The following TUSC3 variants were observed in gnomAD, a reference collection of about 807,000 sequenced individuals.
TUSC3 encodes the protein tumor suppressor candidate 3.
TUSC3 carries 45 observed loss-of-function variants against 44.8 expected under a neutral mutation model. The ratio of observed to expected loss-of-function variants is 1.00; its 90% CI spans 0.79 to 1.29. TUSC3 has a LOEUF of 1.29. Among genes scored for constraint, TUSC3 ranks in the 50% most tolerant of loss-of-function variants. The pLI is 0.00. For synonymous variants in TUSC3, 212 were observed against 152.9 expected, an observed-to-expected ratio of 1.39 and a Z score of -2.85; for missense variants, 519 against 437.9, an observed-to-expected ratio of 1.19 and a Z score of -1.65.
the TUSC3 span, among the ~76,000 whole-genome samples, chr8:15,850,516 T>A: frequency 1.3e-5 from 2 of 152,192 alleles, no homozygotes; most frequent in African/African-American, 4.8e-5. Flanking sequence ...TTTGATTCGC[T>A]TCTCATATAT....
rs114593143 is a variant in TUSC3 at position 15,630,172 on chromosome 8, A to T, written c.308+6923A>T. On this transcript the variant is annotated intron_variant, in intron 2 of 10. Transcript: ENST00000503731. ...GAAGGATGTTACTATGGATCAGTAGATTTAAGAAGAAAATTCAGTTGAAGG... is the reference window on the plus strand; with the variant it reads ...GAAGGATGTTACTATGGATCAGTAGTTTTAAGAAGAAAATTCAGTTGAAGG... Among the ~76,000 whole-genome samples the T allele has an allele frequency of 5.9e-3, 898 of 152,282 alleles. 9 individuals carry two copies. The highest frequency in any genetic ancestry group is 0.021 in the African/African-American group (855 of 41,568).
chr8:15,470,222 A>G lies in TUSC3; in HGVS notation n.92-13164A>G, dbSNP rs572398027. Among the ~76,000 whole-genome samples, 62 of 150,726 alleles carry G rather than the reference A, an allele frequency of 4.1e-4. 1 individual carries two copies. In the South Asian group the frequency reaches 0.012, roughly 28 times the overall value. ...CCCAGGAGGCAGAGGTTGCACCACT[A>G]CACTCCAGCCTGGGCAACAGAGAAA... On this transcript the variant is annotated intron_variant and non_coding_transcript_variant, in intron 1 of 5. Transcript: ENST00000503191.
intron 1 of TUSC3, among the ~76,000 whole-genome samples, chr8:15,613,356 C>T (rs182818999): frequency 2.0e-5 from 3 of 151,984 alleles, no homozygotes; most frequent in Admixed American, 6.6e-5. Context: ...ATTCTTTTAG[C>T]AATGTGATCT....
rs781048607 is a variant in TUSC3 at position 15,623,137 on chromosome 8, T to C, written c.196T>C (p.Phe66Leu). Reference sequence around the variant, plus strand: ...GGAATGGAGTTCCAGACGCTCAATCTTCCGAATGAATGGTGATAAATTCCG... The same window carrying C: ...GGAATGGAGTTCCAGACGCTCAATCCTCCGAATGAATGGTGATAAATTCCG... The part of the protein sequence containing the change: ...LMEWSSRRSI[F>L]RMNGDKFRKF... The change falls in exon 2 of 11, where the codon TTC becomes CTC. Residue 66 changes from phenylalanine (F) to leucine (L), a missense_variant. By Grantham distance (22) the Phe-to-Leu change is conservative. Transcript: ENST00000503731. The C allele has an allele frequency of 2.5e-6, 4 of 1,613,802 alleles. No homozygotes were observed.
chr8:15,576,633 A>AC (rs1389280546), intron 1 of TUSC3, among the ~76,000 whole-genome samples: 1 of 144,092 alleles, frequency 6.9e-6, no homozygotes, highest in African/African-American at 2.7e-5. Flanking sequence ...CCTACAAAGG[A>AC]CACGAACTCA....
At chr8:15,474,038 G>T (rs559975829) in intron 1 of TUSC3, among the ~76,000 whole-genome samples, 1 of 152,004 alleles carries the variant, frequency 6.6e-6, no homozygotes, top group African/African-American at 2.4e-5. Flanking sequence ...TAGACCTCCC[G>T]CCAGGAATGC....
chr8:15,643,295 CTAA>C (rs1469215256), intron 2 of TUSC3, among the ~76,000 whole-genome samples: 2 of 152,088 alleles, frequency 1.3e-5, no homozygotes, highest in African/African-American at 2.4e-5. Flanking sequence ...TGAGAATGGA[CTAA>C]TACAGTAAGA....
At chr8:15,820,579 A>G in the TUSC3 span, among the ~76,000 whole-genome samples, 7 of 152,150 alleles carry the variant, frequency 4.6e-5, no homozygotes, top group East Asian at 1.9e-4. Flanking sequence ...CAGCCTCCCA[A>G]CGTGCTGGGA....
chr8:15,581,888 G>T (rs1318051165), intron 1 of TUSC3, among the ~76,000 whole-genome samples: 1 of 139,230 alleles, frequency 7.2e-6, no homozygotes, highest in African/African-American at 3.0e-5. Flanking sequence ...CTGGGCAATG[G>T]CGGGCGCCCC....
intron 2 of TUSC3, among the ~76,000 whole-genome samples, chr8:15,524,817 T>C (rs927044102): frequency 8.5e-5 from 8 of 94,184 alleles, no homozygotes; most frequent in East Asian, 3.5e-4. Context: ...AGATTAAATA[T>C]AGAAAGAGAT....
the TUSC3 span, among the ~76,000 whole-genome samples, chr8:15,790,554 A>G: frequency 6.6e-6 from 1 of 152,046 alleles, no homozygotes; most frequent in African/African-American, 2.4e-5. Flanking sequence ...GAGGGTAACT[A>G]GAGGTTGCCG....
chr8:15,682,193 T>A (rs1808454088), intron 6 of TUSC3, among the ~76,000 whole-genome samples: 1 of 152,170 alleles, frequency 6.6e-6, no homozygotes, highest in South Asian at 2.1e-4. Context: ...GCATTGAATT[T>A]AAGTTCAGAA....
intron 2 of TUSC3, among the ~76,000 whole-genome samples, chr8:15,519,997 T>C (rs1487186993): frequency 6.6e-6 from 1 of 152,220 alleles, no homozygotes; most frequent in Non-Finnish European, 1.5e-5. Flanking sequence ...CTGTTGGCTC[T>C]TAAAAACTGC....
At chr8:15,534,440 G>A (rs1264438793) in intron 2 of TUSC3, among the ~76,000 whole-genome samples, 3 of 151,926 alleles carry the variant, frequency 2.0e-5, no homozygotes, top group Admixed American at 6.6e-5. Flanking sequence ...TCAGAAGATC[G>A]AGACCATCCA....
chr8:15,581,946 C>T (rs1196490251), intron 1 of TUSC3, among the ~76,000 whole-genome samples: 1 of 150,210 alleles, frequency 6.7e-6, no homozygotes, highest in East Asian at 2.0e-4. Context: ...GACTGCTGTG[C>T]TAGCAGTCAG....
At chr8:15,785,965 T>C in the TUSC3 span, among the ~76,000 whole-genome samples, 66 of 152,320 alleles carry the variant, frequency 4.3e-4, 1 homozygote, top group African/African-American at 1.6e-3. Flanking sequence ...TTTAAATGTA[T>C]TATATGAAAG....
Position 15,540,390 on chromosome 8 carries a change from C to A in TUSC3, c.-41C>A, listed in dbSNP as rs1024151591. On this transcript the variant is annotated 5_prime_UTR_variant, in exon 1 of 11. Coordinates refer to ENST00000503731, the MANE Select transcript of TUSC3 (RefSeq NM_006765.4). Reference sequence around the variant, plus strand: ...CGTGGTGCGCGGTAGGAGCTGGGCGCGCACGGCTACCGCGCGTGGAGGAGA... The same window carrying A: ...CGTGGTGCGCGGTAGGAGCTGGGCGAGCACGGCTACCGCGCGTGGAGGAGA... 4.6e-6 allele frequency: 7 copies of A among 1,517,090 alleles called. No homozygotes were observed. Among genetic ancestry groups the A allele is most frequent in the Non-Finnish European group, 6.2e-6 (7 of 1,131,522 alleles). 94.0% of individuals were successfully genotyped at this position (1,517,090 alleles called of 1,614,324 possible).
At chr8:15,619,071 A>T (rs1805125717) in intron 1 of TUSC3, among the ~76,000 whole-genome samples, 1 of 152,196 alleles carries the variant, frequency 6.6e-6, no homozygotes, top group Admixed American at 6.5e-5. Context: ...GAAATTATTA[A>T]AAGTAGTTTG....
intron 1 of TUSC3, among the ~76,000 whole-genome samples, chr8:15,471,394 G>A (rs1800492282): frequency 6.6e-6 from 1 of 152,088 alleles, no homozygotes; most frequent in Non-Finnish European, 1.5e-5. Flanking sequence ...ACTTAGAGCT[G>A]CAGTCTCCAA....
Sources: allele counts gnomAD v4.1 joint callset (sites outside exome capture counted in the v4.1 genomes callset), GRCh38; gene constraint gnomAD v4.1.1; transcripts MANE v1.5; gene names NCBI Gene and HGNC (gene_info 2026-07-23, HGNC 2026-07-21).